The following PLXDC2 variants were observed in gnomAD, a reference collection of about 807,000 sequenced individuals.
PLXDC2 encodes the protein plexin domain containing 2.
In PLXDC2, 40 loss-of-function variants were observed where a neutral mutation model predicts 68.9. The observed-to-expected ratio is 0.58, with a 90% CI of 0.45 to 0.76. PLXDC2 has a LOEUF of 0.76. PLXDC2 is among the 30% of genes least tolerant of loss of function. The pLI, the probability that PLXDC2 is intolerant of heterozygous loss-of-function variation, is 0.00. For synonymous variants in PLXDC2, 243 were observed against 234.2 expected, an observed-to-expected ratio of 1.04 and a Z score of -0.34; for missense variants, 644 against 661.9, an observed-to-expected ratio of 0.97 and a Z score of 0.30.
chr10:19,833,907 G>C (rs937876272), intron 1 of PLXDC2, among the ~76,000 whole-genome samples: 1 of 150,464 alleles, frequency 6.6e-6, no homozygotes, highest in African/African-American at 2.4e-5. Context: ...TCTTTAAAAA[G>C]CATTCAGAGT....
intron 13 of PLXDC2, among the ~76,000 whole-genome samples, chr10:20,263,467 A>C (rs1835834119): frequency 6.6e-6 from 1 of 152,236 alleles, no homozygotes; most frequent in African/African-American, 2.4e-5. Context: ...TACAACAAAG[A>C]CACCAAAAGC....
intron 4 of PLXDC2, among the ~76,000 whole-genome samples, chr10:20,078,043 A>G (rs1055189850): frequency 5.9e-5 from 9 of 151,904 alleles, no homozygotes; most frequent in African/African-American, 1.5e-4. Context: ...CTTTACTCCA[A>G]CGTATTTTCA....
intron 1 of PLXDC2, among the ~76,000 whole-genome samples, chr10:19,894,402 C>G (rs1253636856): frequency 6.6e-6 from 1 of 151,822 alleles, no homozygotes; most frequent in African/African-American, 2.4e-5. Context: ...GAATTTTAAC[C>G]ACTTTCAATT....
intron 3 of PLXDC2, among the ~76,000 whole-genome samples, chr10:20,049,712 A>G (rs919377035): frequency 6.6e-6 from 1 of 152,136 alleles, no homozygotes; most frequent in Non-Finnish European, 1.5e-5. Flanking sequence ...ATCAGAGAAG[A>G]CACAAACAAA....
intron 3 of PLXDC2, among the ~76,000 whole-genome samples, chr10:20,053,806 T>C (rs1835946541): frequency 6.6e-6 from 1 of 152,060 alleles, no homozygotes; most frequent in Non-Finnish European, 1.5e-5. Flanking sequence ...TTCTGGCCTC[T>C]TTGCACCTCA....
intron 4 of PLXDC2, among the ~76,000 whole-genome samples, chr10:20,082,076 A>AAAAAG (rs1836576729): frequency 6.7e-6 from 1 of 149,730 alleles, no homozygotes; most frequent in African/African-American, 2.4e-5. Context: ...AAAAAAAAAA[A>AAAAAG]CAGGAGAAGT....
chr10:20,026,279 A>G (rs1390783315), intron 2 of PLXDC2, among the ~76,000 whole-genome samples: 1 of 152,106 alleles, frequency 6.6e-6, no homozygotes, highest in Non-Finnish European at 1.5e-5. Context: ...ATTCTCCTGA[A>G]TAAATGTTTT....
intron 1 of PLXDC2, among the ~76,000 whole-genome samples, chr10:19,985,552 T>C (rs1271755282): frequency 6.6e-6 from 1 of 152,180 alleles, no homozygotes; most frequent in Non-Finnish European, 1.5e-5. Context: ...GATATTAAAA[T>C]TTTTACTCAC....
chr10:20,055,735 C>G (rs1448665908), intron 3 of PLXDC2, among the ~76,000 whole-genome samples: 2 of 152,060 alleles, frequency 1.3e-5, no homozygotes, highest in Non-Finnish European at 2.9e-5. Context: ...CTGCCTATGT[C>G]TCTTTAGCTT....
chr10:19,835,265 G>A (rs1164672541), intron 1 of PLXDC2, among the ~76,000 whole-genome samples: 1 of 152,066 alleles, frequency 6.6e-6, no homozygotes, highest in Non-Finnish European at 1.5e-5. Context: ...AACTCAGATG[G>A]GCTCTTCAAA....
intron 1 of PLXDC2, among the ~76,000 whole-genome samples, chr10:19,878,936 G>A (rs1338198668): frequency 1.3e-5 from 2 of 152,176 alleles, no homozygotes; most frequent in African/African-American, 2.4e-5. Flanking sequence ...AGAAGAAGCA[G>A]AGGGTTTCTC....
intron 1 of PLXDC2, among the ~76,000 whole-genome samples, chr10:19,984,507 G>T (rs1233640412): frequency 6.6e-6 from 1 of 152,214 alleles, no homozygotes; most frequent in Non-Finnish European, 1.5e-5. Context: ...CTGGGGAAAT[G>T]TAAGAGAAAA....
intron 13 of PLXDC2, among the ~76,000 whole-genome samples, chr10:20,276,278 G>A (rs977167938): frequency 2.6e-5 from 4 of 152,122 alleles, no homozygotes; most frequent in Non-Finnish European, 5.9e-5. Context: ...CTCTGAACTG[G>A]AAGAAAGGTC....
chr10:19,982,831 C>G (rs927939790), intron 1 of PLXDC2, among the ~76,000 whole-genome samples: 1 of 151,982 alleles, frequency 6.6e-6, no homozygotes, highest in Non-Finnish European at 1.5e-5. Context: ...GGTGGTCATT[C>G]GTATTACTGA....
intron 7 of PLXDC2, among the ~76,000 whole-genome samples, chr10:20,172,926 C>T (rs1029824627): frequency 2.0e-5 from 3 of 152,122 alleles, no homozygotes; most frequent in African/African-American, 7.2e-5. Context: ...ATTATTATTT[C>T]AGAGAATTAG....
intron 4 of PLXDC2, among the ~76,000 whole-genome samples, chr10:20,074,461 A>G (rs1326156195): frequency 1.3e-5 from 2 of 152,116 alleles, no homozygotes; most frequent in Non-Finnish European, 2.9e-5. Context: ...GGTATGGTAT[A>G]TTAAAATTCA....
At chr10:19,886,408 AT>A (rs1409727245) in intron 1 of PLXDC2, among the ~76,000 whole-genome samples, 2 of 152,186 alleles carry the variant, frequency 1.3e-5, no homozygotes, top group African/African-American at 4.8e-5. Context: ...CCAGCAGCAC[AT>A]CAAAAAGCTT....
intron 1 of PLXDC2, among the ~76,000 whole-genome samples, chr10:19,943,946 C>G (rs1833859313): frequency 6.6e-6 from 1 of 152,170 alleles, no homozygotes; most frequent in South Asian, 2.1e-4. Flanking sequence ...AGAATGTCGC[C>G]TTTGCACCAT....
At position 20,217,563 on chromosome 10, in the gene PLXDC2, C is replaced by T; in HGVS notation, c.1260C>T (p.Ser420=). ...CAGTGACTTCTCAGTTTCCCACCAGCCTCCCTACAGAAGGTACCCAAGAGA... is the reference window on the plus strand; with the variant it reads ...CAGTGACTTCTCAGTTTCCCACCAGTCTCCCTACAGAAGGTACCCAAGAGA... ...RRAVTSQFPT[S]LPTEDDTKIA... Residue 420 remains serine (S), a synonymous_variant, in exon 11 of 14, where the codon AGC becomes AGT. Transcript: ENST00000377252. The T allele has an allele frequency of 6.2e-7, 1 of 1,606,408 alleles. No individual in the cohort carries two copies. The highest frequency in any genetic ancestry group is 8.5e-7 in the Non-Finnish European group (1 of 1,176,342).
Sources: allele counts gnomAD v4.1 joint callset (sites outside exome capture counted in the v4.1 genomes callset), GRCh38; gene constraint gnomAD v4.1.1; transcripts MANE v1.5; gene names NCBI Gene and HGNC (gene_info 2026-07-23, HGNC 2026-07-21).